JAKMIP1: variants seen among roughly 807,000 people sequenced by gnomAD.
JAKMIP1 encodes janus kinase and microtubule-interacting protein 1.
Under a neutral mutation model 113.0 loss-of-function variants are expected in JAKMIP1, and 33 were observed. The ratio of observed to expected loss-of-function variants is 0.29; its 90% CI spans 0.22 to 0.39. JAKMIP1 has a LOEUF of 0.39. Ranked by LOEUF, JAKMIP1 falls within the 10% of genes least tolerant of loss-of-function variation. The pLI is 1.00. For missense variants in JAKMIP1, 813 were observed against 1,080.5 expected (o/e 0.75, Z 3.47); for synonymous variants, 480 against 459.9 (o/e 1.04, Z -0.56).
chr4:6,160,686 A>G (rs1387029813), intron 1 of JAKMIP1, among the ~76,000 whole-genome samples: 2 of 151,980 alleles, frequency 1.3e-5, no homozygotes, highest in Non-Finnish European at 2.9e-5. Context: ...TGTGTCCCCA[A>G]CAGGCCAGCC....
At chr4:6,102,257 A>G (rs980095093) in intron 3 of JAKMIP1, among the ~76,000 whole-genome samples, 31 of 152,230 alleles carry the variant, frequency 2.0e-4, no homozygotes, top group African/African-American at 7.2e-4. Flanking sequence ...AAACTCACTT[A>G]TTAATTCTAA....
rs947955788 is a variant in JAKMIP1, at chr4:6,188,637, T to C, written c.-148+11616A>G. Reference sequence around the variant, plus strand: ...ATTCCAAATTAGCAACTTATTAATCTGGGGCACCTGAGGTTTGGGGCACCT... The same window carrying C: ...ATTCCAAATTAGCAACTTATTAATCCGGGGCACCTGAGGTTTGGGGCACCT... On this transcript the variant is annotated intron_variant, in intron 1 of 20. Coordinates refer to ENST00000409021, the MANE Select transcript of JAKMIP1 (RefSeq NM_001099433.2). This position sits in a 1 kb window ranked among gnomAD's most constrained non-coding sequence, Gnocchi z 5.8. Among the ~76,000 whole-genome samples the C allele has an allele frequency of 4.6e-5, 7 of 152,208 alleles. No individual in the cohort carries two copies. Among genetic ancestry groups the C allele is most frequent in the Non-Finnish European group, 8.8e-5 (6 of 68,036 alleles).
At chr4:6,079,701 T>C (rs1033541858) in intron 7 of JAKMIP1, among the ~76,000 whole-genome samples, 6 of 152,030 alleles carry the variant, frequency 3.9e-5, no homozygotes, top group African/African-American at 1.4e-4. Flanking sequence ...CATATACACG[T>C]CCAAAACTCA....
At chr4:6,117,970 C>G (rs1382233068) in intron 1 of JAKMIP1, among the ~76,000 whole-genome samples, 2 of 152,160 alleles carry the variant, frequency 1.3e-5, no homozygotes, top group African/African-American at 4.8e-5. Context: ...AACACACATG[C>G]TGTACAATTT....
At chr4:6,045,701 G>A (rs1433969601) in intron 16 of JAKMIP1, among the ~76,000 whole-genome samples, 2 of 152,096 alleles carry the variant, frequency 1.3e-5, no homozygotes, top group African/African-American at 4.8e-5. Context: ...GGAGAAACCC[G>A]TCTCTACTAA....
Position 6,094,122 on chromosome 4 carries a change from G to C in JAKMIP1, c.625-8493C>G, listed in dbSNP as rs941725860. Among the ~76,000 whole-genome samples, 1 of 151,846 alleles carries C rather than the reference G, an allele frequency of 6.6e-6. No homozygotes were observed. The highest frequency in any genetic ancestry group is 1.5e-5 in the Non-Finnish European group (1 of 68,000). ...GGCTGGCCCAGCAGGCATCTATATA[G>C]GGAACATGCATCGAACACATGCCAC... On this transcript the variant is annotated intron_variant, in intron 3 of 20. Coordinates refer to ENST00000409021, the MANE Select transcript of JAKMIP1 (RefSeq NM_001099433.2). The surrounding 1 kb of genome is among the most constrained non-coding windows in gnomAD (Gnocchi z 4.2).
chr4:6,131,035 G>A (rs1718424827), intron 1 of JAKMIP1, among the ~76,000 whole-genome samples: 1 of 151,490 alleles, frequency 6.6e-6, no homozygotes, highest in Non-Finnish European at 1.5e-5. Context: ...TTAGTTATGT[G>A]TGGGGATATA....
Position 6,178,365 on chromosome 4 carries a change from G to A in JAKMIP1, c.-148+21888C>T, listed in dbSNP as rs1001957142. Among the ~76,000 whole-genome samples, 6 of 152,192 alleles carry A rather than the reference G, an allele frequency of 3.9e-5. No individual in the cohort carries two copies. The highest frequency in any genetic ancestry group is 1.3e-4 in the Admixed American group (2 of 15,282). On this transcript the variant is annotated intron_variant, in intron 1 of 20. Coordinates refer to ENST00000409021, the MANE Select transcript of JAKMIP1 (RefSeq NM_001099433.2). This position sits in a 1 kb window ranked among gnomAD's most constrained non-coding sequence, Gnocchi z 5.5. The stretch of plus-strand genomic sequence containing the variant: ...ATGTGTGGTGGGAGGGACCTCTCGG[G>A]AGGTAATTGAATCATGGGGGCAGTT...
At chr4:6,047,194 C>T (rs116684156) in intron 16 of JAKMIP1, among the ~76,000 whole-genome samples, 114 of 152,348 alleles carry the variant, frequency 7.5e-4, no homozygotes, top group Middle Eastern at 3.4e-3. Flanking sequence ...AAGACGCAAG[C>T]CAGGAGAGGC....
In JAKMIP1 at chr4:6,043,801, A is replaced by G. The variant is rs1315237123; in HGVS notation, c.2029-1574T>C. On this transcript the variant is annotated intron_variant, in intron 16 of 20. Transcript: ENST00000409021. Reference sequence around the variant, plus strand: ...CTAAAAAACACACATGGGCTCATGGAACATCCCTGTTCTGCTCAGAGACCT... The same window carrying G: ...CTAAAAAACACACATGGGCTCATGGGACATCCCTGTTCTGCTCAGAGACCT... Among the ~76,000 whole-genome samples, 4 of 151,040 alleles carry G rather than the reference A, an allele frequency of 2.6e-5. No homozygotes were observed. The East Asian group carries it at 7.9e-4, about 30-fold the overall frequency.
In JAKMIP1 at chr4:6,188,097, T is replaced by C. The variant is rs1442343019; in HGVS notation, c.-148+12156A>G. Among the ~76,000 whole-genome samples, 1 of 152,236 alleles carries C rather than the reference T, an allele frequency of 6.6e-6. No homozygotes were observed. ...CAAATCTGTCATTTTTTTTTCTTTTTGGTTCCAGTAAATGGGAGCCAATCA... is the reference window on the plus strand; with the variant it reads ...CAAATCTGTCATTTTTTTTTCTTTTCGGTTCCAGTAAATGGGAGCCAATCA... On this transcript the variant is annotated intron_variant, in intron 1 of 20. Coordinates refer to ENST00000409021, the MANE Select transcript of JAKMIP1 (RefSeq NM_001099433.2). The surrounding 1 kb of genome is among the most constrained non-coding windows in gnomAD (Gnocchi z 5.8).
chr4:6,072,556 C>A (rs1010217525), intron 8 of JAKMIP1, among the ~76,000 whole-genome samples: 1 of 152,178 alleles, frequency 6.6e-6, no homozygotes, highest in Admixed American at 6.5e-5. Flanking sequence ...CAGTTACACA[C>A]CAACCGAGGC....
Position 6,064,873 on chromosome 4 carries a change from T to G in JAKMIP1, c.1431+7A>C, listed in dbSNP as rs1270357217. The G allele has an allele frequency of 2.5e-6, 4 of 1,613,980 alleles. No individual in the cohort carries two copies. The highest frequency in any genetic ancestry group is 3.4e-6 in the Non-Finnish European group (4 of 1,180,002). On this transcript the variant is annotated splice_region_variant and intron_variant, in intron 9 of 20. Coordinates refer to ENST00000409021, the MANE Select transcript of JAKMIP1 (RefSeq NM_001099433.2). The surrounding 1 kb of genome is among the most constrained non-coding windows in gnomAD (Gnocchi z 4.3). ...TGAGGTCCCGCCCTCTCTGCAGGTT[T>G]GCTTACATCGTCCAAGTCTTCTTCG...
chr4:6,159,253 C>T lies in JAKMIP1; in HGVS notation c.-148+41000G>A, dbSNP rs78762038. 3.1e-3 allele frequency among the ~76,000 whole-genome samples: 464 copies of T among 150,046 alleles called. 4 individuals carry two copies. The highest frequency in any genetic ancestry group is 0.011 in the African/African-American group (440 of 40,908). On this transcript the variant is annotated intron_variant, in intron 1 of 20. Transcript: ENST00000409021. The stretch of plus-strand genomic sequence containing the variant: ...CAAAACAACTTTCTCATGTGGATTA[C>T]AAATTTAAATACAAACAGAGAAACC...
At chr4:6,047,891 T>C in intron 16 of JAKMIP1, among the ~76,000 whole-genome samples, 1 of 152,212 alleles carries the variant, frequency 6.6e-6, no homozygotes, top group East Asian at 1.9e-4. Flanking sequence ...CAGGAATGTG[T>C]TTTGTAACAA....
At chr4:6,035,303 G>T (rs565639877) in intron 19 of JAKMIP1, among the ~76,000 whole-genome samples, 1 of 152,218 alleles carries the variant, frequency 6.6e-6, no homozygotes, top group African/African-American at 2.4e-5. Flanking sequence ...CCTACCCATA[G>T]GGTCCATGAG....
rs555502776 is a variant in JAKMIP1 at position 6,035,873 on chromosome 4, T to A, written c.2379+31A>T. Reference sequence around the variant, plus strand: ...ACACAGGACAACAAGGGTGCCGGGGTGCTGTGGGCACAGCCGCTGTTGCCG... The same window carrying A: ...ACACAGGACAACAAGGGTGCCGGGGAGCTGTGGGCACAGCCGCTGTTGCCG... On this transcript the variant is annotated intron_variant, in intron 19 of 20. Coordinates refer to ENST00000409021, the MANE Select transcript of JAKMIP1 (RefSeq NM_001099433.2). 2.4e-5 allele frequency: 36 copies of A among 1,525,040 alleles called. No individual in the cohort carries two copies. The African/African-American group carries it at 4.0e-4, about 17-fold the overall frequency. 94.5% of individuals were successfully genotyped at this position (1,525,040 alleles called of 1,614,324 possible).
At chr4:6,118,912 A>T (rs1025181003) in intron 1 of JAKMIP1, among the ~76,000 whole-genome samples, 1 of 152,264 alleles carries the variant, frequency 6.6e-6, no homozygotes. Flanking sequence ...AGATCTCAAG[A>T]TGAAATCATC....
intron 5 of JAKMIP1, among the ~76,000 whole-genome samples, chr4:6,083,060 A>G (rs1267702899): frequency 6.6e-6 from 1 of 152,204 alleles, no homozygotes; most frequent in Non-Finnish European, 1.5e-5. Flanking sequence ...TTATTTAAAC[A>G]TTAAGAACAT....
Sources: allele counts gnomAD v4.1 joint callset (sites outside exome capture counted in the v4.1 genomes callset), GRCh38; gene constraint gnomAD v4.1.1; non-coding constraint Gnocchi (gnomAD v3.1); transcripts MANE v1.5; gene names NCBI Gene and HGNC (gene_info 2026-07-23, HGNC 2026-07-21).